PRKAR1A: variants seen among roughly 807,000 people sequenced by gnomAD.
The protein encoded by PRKAR1A is cAMP-dependent protein kinase type I-alpha regulatory subunit.
Under a neutral mutation model 52.0 loss-of-function variants are expected in PRKAR1A, and 3 were observed. The observed-to-expected ratio is 0.06, with a 90% CI of 0.03 to 0.15. The LOEUF (loss-of-function observed/expected upper bound fraction) is 0.15, where lower values mean the gene tolerates loss of function less well. Ranked by LOEUF, PRKAR1A falls within the 10% of genes least tolerant of loss-of-function variation. PRKAR1A has a pLI of 1.00. For synonymous variants in PRKAR1A, 188 were observed against 168.4 expected (o/e 1.12, Z -0.90); for missense variants, 240 against 477.4 (o/e 0.50, Z 4.63).
the PRKAR1A span, chr17:68,434,769 A>G: frequency 1.3e-5 from 10 of 760,806 alleles, no homozygotes; most frequent in Admixed American, 2.9e-5. Context: ...AGGCATGTTT[A>G]TTTATGTGCC....
At chr17:68,512,404 T>G (rs573902139), upstream of PRKAR1A, 1 of 153,088 alleles carries the variant, frequency 6.5e-6, no homozygotes, top group Admixed American at 6.5e-5. Context: ...CGAACGCTGA[T>G]TGGCTGCGGC....
At chr17:68,482,218 T>C in the PRKAR1A span, among the ~76,000 whole-genome samples, 2 of 152,218 alleles carry the variant, frequency 1.3e-5, no homozygotes, top group Non-Finnish European at 2.9e-5. Context: ...CTGCATGTAA[T>C]TTAAAACTTA....
intron 11 of PRKAR1A, among the ~76,000 whole-genome samples, chr17:68,544,893 TAAG>T (rs959326633): frequency 6.6e-5 from 10 of 152,300 alleles, no homozygotes; most frequent in East Asian, 1.9e-4. Context: ...TGATGTAAGA[TAAG>T]AAGTAATTTT....
At chr17:68,421,909 G>A in the PRKAR1A span, 2 of 1,550,766 alleles carry the variant, frequency 1.3e-6, no homozygotes, top group Non-Finnish European at 1.8e-6. Context: ...CCCATGCAGA[G>A]TGAGCAGGGA....
At chr17:68,525,519 T>C (rs1226494225) in intron 6 of PRKAR1A, among the ~76,000 whole-genome samples, 2 of 152,212 alleles carry the variant, frequency 1.3e-5, no homozygotes, top group African/African-American at 4.8e-5. Context: ...CCTTACATCC[T>C]TACAGAGTGC....
the PRKAR1A span, among the ~76,000 whole-genome samples, chr17:68,458,555 A>G: frequency 4.4e-3 from 671 of 152,338 alleles, 7 homozygotes; most frequent in African/African-American, 0.015. Flanking sequence ...CCGCAGCTGA[A>G]AAAAATGAAA....
chr17:68,425,919 T>C, the PRKAR1A span: 1 of 644,558 alleles, frequency 1.6e-6, no homozygotes, highest in Non-Finnish European at 2.7e-6. Flanking sequence ...AAGCACACAG[T>C]ACAACAAATA....
intron 1 of PRKAR1A, among the ~76,000 whole-genome samples, chr17:68,513,751 C>T (rs4265886): frequency 0.72 from 108,943 of 152,082 alleles, 39,437 homozygotes; most frequent in East Asian, 0.9. Flanking sequence ...GTATACTGTC[C>T]TATTACCGGT....
chr17:68,441,049 G>A, the PRKAR1A span: 5 of 152,338 alleles, frequency 3.3e-5, no homozygotes, highest in African/African-American at 9.6e-5. Flanking sequence ...GCATTGCTGT[G>A]TGGTATGGAA....
At chr17:68,430,961 G>A in the PRKAR1A span, among the ~76,000 whole-genome samples, 9 of 152,240 alleles carry the variant, frequency 5.9e-5, no homozygotes, top group Admixed American at 5.9e-4. Context: ...AATGGGCTAG[G>A]GGGTCTTTGG....
At chr17:68,426,425 GTCTCAGTATGT>G in the PRKAR1A span, among the ~76,000 whole-genome samples, 22 of 152,178 alleles carry the variant, frequency 1.4e-4, no homozygotes, top group Admixed American at 4.6e-4. Context: ...TTGAGGTAGG[GTCTCAGTATGT>G]TGCCCAGGCT....
the PRKAR1A span, among the ~76,000 whole-genome samples, chr17:68,460,936 A>G: frequency 6.6e-6 from 1 of 152,198 alleles, no homozygotes; most frequent in East Asian, 1.9e-4. Flanking sequence ...AATCCATTTA[A>G]TGTCAGGCTG....
chr17:68,442,081 C>T, the PRKAR1A span, among the ~76,000 whole-genome samples: 1 of 152,178 alleles, frequency 6.6e-6, no homozygotes, highest in East Asian at 1.9e-4. Context: ...ACTTTTAAAC[C>T]TTATTTTCTC....
the PRKAR1A span, chr17:68,428,707 A>C: frequency 1.3e-6 from 1 of 744,354 alleles, no homozygotes; most frequent in Non-Finnish European, 2.2e-6. Context: ...GAGGTTTGCC[A>C]CTGAGACTGC....
At chr17:68,540,845 C>T (rs750853061) in intron 11 of PRKAR1A, 3 of 1,594,356 alleles carry the variant, frequency 1.9e-6, no homozygotes, top group Non-Finnish European at 2.6e-6. Flanking sequence ...GTGTGGGGAC[C>T]TACCTATCAA....
At chr17:68,421,496 G>A in the PRKAR1A span, 20 of 426,048 alleles carry the variant, frequency 4.7e-5, no homozygotes, top group Non-Finnish European at 6.9e-5. Flanking sequence ...ATAAAATTCC[G>A]GTTATATACC....
At chr17:68,507,691 C>T (rs2085215045), upstream of PRKAR1A, among the ~76,000 whole-genome samples, 1 of 151,918 alleles carries the variant, frequency 6.6e-6, no homozygotes, top group Admixed American at 6.6e-5. Flanking sequence ...AACAGGAAAC[C>T]ACTATCTTTT....
rs2086003630 is a variant in PRKAR1A, at chr17:68,532,496, A to C, written c.*2047A>C. The C allele has an allele frequency of 9.4e-7, 1 of 1,061,810 alleles. No homozygotes were observed. Among genetic ancestry groups the C allele is most frequent in the Non-Finnish European group, 1.1e-6 (1 of 875,752 alleles). 65.8% of individuals were successfully genotyped at this position (1,061,810 alleles called of 1,614,324 possible). A position where few individuals can be genotyped will look rare whatever the true frequency, so the allele number is the denominator to read the frequency against. On this transcript the variant is annotated 3_prime_UTR_variant, in exon 11 of 11. Transcript: ENST00000589228. ...AAACAATGATCACATCTAAAGCTTT[A>C]TCTTTGTGTAATCTAAGTATATGTG...
chr17:68,521,078 G>T (rs1377642861), intron 2 of PRKAR1A, among the ~76,000 whole-genome samples: 1 of 152,032 alleles, frequency 6.6e-6, no homozygotes, highest in East Asian at 1.9e-4. Flanking sequence ...AGTAGCTGGG[G>T]CTACAGGTGC....
Sources: allele counts gnomAD v4.1 joint callset (sites outside exome capture counted in the v4.1 genomes callset), GRCh38; gene constraint gnomAD v4.1.1; transcripts MANE v1.5; gene names NCBI Gene and HGNC (gene_info 2026-07-23, HGNC 2026-07-21).